The following TBL1X variants were observed in gnomAD, a reference collection of about 807,000 sequenced individuals.
TBL1X encodes the protein F-box-like/WD repeat-containing protein TBL1X.
TBL1X carries 10 observed loss-of-function variants against 50.7 expected under a neutral mutation model. The observed-to-expected ratio is 0.20, with a 90% confidence interval of 0.12 to 0.33. TBL1X has a LOEUF of 0.33. Ranked by LOEUF, TBL1X falls within the 10% of genes least tolerant of loss-of-function variation. The pLI is 1.00. For synonymous variants in TBL1X, 190 were observed against 214.7 expected, an observed-to-expected ratio of 0.88 and a Z score of 1.01; for missense variants, 340 against 504.4, an observed-to-expected ratio of 0.67 and a Z score of 3.12.
intron 2 of TBL1X, among the ~76,000 whole-genome samples, chrX:9,532,832 G>A (rs915708362): frequency 5.4e-5 from 6 of 111,379 alleles, no homozygotes; most frequent in African/African-American, 2.0e-4. Flanking sequence ...CCTCTTGAAT[G>A]GCCCTAACTC....
rs757608459 is a variant in TBL1X at position 9,688,153 on chromosome X, C to T, written c.494C>T (p.Ala165Val). Reference sequence around the variant, plus strand: ...CAGCAAGCCAGTGCGGCGGCGGCGGCGGCTGCGGCCACGGCAGCAGCGACA... The same window carrying T: ...CAGCAAGCCAGTGCGGCGGCGGCGGTGGCTGCGGCCACGGCAGCAGCGACA... ...AQQQASAAAA[A>V]AAATAAATAA... The change falls in exon 7 of 18, where the codon GCG (alanine) becomes GTG (valine). Residue 165 changes from alanine to valine, a missense_variant. By Grantham distance (64) the Ala-to-Val change is moderately conservative (BLOSUM62 0). Around this residue, in one of 6 missense-constraint regions of TBL1X, gnomAD observed 99 missense variants for 93.3 expected, o/e 1.06. Coordinates refer to ENST00000645353, the MANE Select transcript of TBL1X (RefSeq NM_005647.4). 7 of 1,196,771 alleles carry T rather than the reference C, an allele frequency of 5.8e-6. No individual in the cohort carries two copies. In the East Asian group the frequency reaches 1.2e-4, roughly 21 times the overall value.
At chrX:9,577,335 G>GTCT (rs762162383) in intron 2 of TBL1X, among the ~76,000 whole-genome samples, 1 of 112,172 alleles carries the variant, frequency 8.9e-6, no homozygotes, top group African/African-American at 3.2e-5. Flanking sequence ...CAGATGAACA[G>GTCT]TCTGGCTTGA....
At chrX:9,615,833 T>A (rs139766550) in intron 2 of TBL1X, among the ~76,000 whole-genome samples, 1,559 of 112,162 alleles carry the variant, frequency 0.014, 9 homozygotes, top group Non-Finnish European at 0.021. Context: ...AGGGAAGGCC[T>A]TTGTCTTCCA....
At chrX:9,481,854 G>A (rs2081884493) in intron 1 of TBL1X, among the ~76,000 whole-genome samples, 1 of 112,326 alleles carries the variant, frequency 8.9e-6, no homozygotes, top group South Asian at 3.7e-4. Context: ...TAAAGTTGCA[G>A]CAAAGCCAAT....
At chrX:9,663,743 A>C (rs1463431145) in intron 5 of TBL1X, among the ~76,000 whole-genome samples, 1 of 101,602 alleles carries the variant, frequency 9.8e-6, no homozygotes, top group African/African-American at 3.7e-5. Context: ...CCTGGGCGAC[A>C]GAGCGAGATT....
At chrX:9,510,957 C>T (rs760695997) in intron 2 of TBL1X, among the ~76,000 whole-genome samples, 2 of 111,742 alleles carry the variant, frequency 1.8e-5, no homozygotes, top group Non-Finnish European at 3.8e-5. Context: ...CATCCATCCA[C>T]GCACGCACAC....
intron 12 of TBL1X, among the ~76,000 whole-genome samples, chrX:9,698,230 A>T (rs958320942): frequency 4.5e-5 from 5 of 111,300 alleles, no homozygotes; most frequent in Admixed American, 1.9e-4. Flanking sequence ...GAGCTCTGAA[A>T]CACAGCAGTG....
At chrX:9,632,976 G>A (rs2082729042) in intron 2 of TBL1X, among the ~76,000 whole-genome samples, 2 of 112,192 alleles carry the variant, frequency 1.8e-5, no homozygotes, top group African/African-American at 6.5e-5. Context: ...GGCATACCCA[G>A]GGTTACCATT....
intron 5 of TBL1X, among the ~76,000 whole-genome samples, chrX:9,661,992 G>A (rs761464589): frequency 9.0e-6 from 1 of 111,537 alleles, no homozygotes; most frequent in East Asian, 2.8e-4. Flanking sequence ...GATTCAAGAG[G>A]GGTCCTGGGA....
chrX:9,565,387 A>C (rs1321777455), intron 2 of TBL1X, among the ~76,000 whole-genome samples: 3 of 110,966 alleles, frequency 2.7e-5, no homozygotes, highest in Non-Finnish European at 5.7e-5. Flanking sequence ...AAAAAGTTAT[A>C]TGAGCTATCG....
rs1336617597 is a variant in TBL1X at position 9,497,882 on chromosome X, TC to T, written c.-200-3895del. ...CTCCCTCTCTCTCCCTCTCCCTCCCTCCCTCCCCTCCTTCCTCCTCCTCTCT... is the reference window on the plus strand; with the variant it reads ...CTCCCTCTCTCTCCCTCTCCCTCCCTCCTCCCCTCCTTCCTCCTCCTCTCT... On this transcript the variant is annotated intron_variant, in intron 1 of 17. Transcript: ENST00000645353. 7.0e-5 allele frequency among the ~76,000 whole-genome samples: 5 copies of T among 71,927 alleles called. No homozygotes were observed. In the South Asian group the frequency reaches 5.3e-3, roughly 76 times the overall value. 62.5% of individuals were successfully genotyped at this position (71,927 alleles called of 115,157 possible).
chrX:9,466,767 T>C (rs2081777850), intron 1 of TBL1X, among the ~76,000 whole-genome samples: 1 of 111,978 alleles, frequency 8.9e-6, no homozygotes, highest in African/African-American at 3.2e-5. Flanking sequence ...TTAGGAAAAA[T>C]AAAATACAGA....
At chrX:9,649,895 C>G (rs1245161484) in intron 3 of TBL1X, among the ~76,000 whole-genome samples, 1 of 111,942 alleles carries the variant, frequency 8.9e-6, no homozygotes, top group Non-Finnish European at 1.9e-5. Flanking sequence ...CTCAAGCAAA[C>G]CTCTTGCCTT....
intron 1 of TBL1X, among the ~76,000 whole-genome samples, chrX:9,468,896 C>T (rs1170578297): frequency 9.0e-6 from 1 of 110,830 alleles, no homozygotes; most frequent in Non-Finnish European, 1.9e-5. Flanking sequence ...TAGCTGCAGC[C>T]TCAACCTTCT....
At chrX:9,472,443 T>C (rs372162658) in intron 1 of TBL1X, among the ~76,000 whole-genome samples, 30 of 23,751 alleles carry the variant, frequency 1.3e-3, no homozygotes, top group African/African-American at 5.3e-3. Flanking sequence ...TTCTTTCTTT[T>C]TTTTTTTTTT....
At position 9,674,085 on chromosome X, in the gene TBL1X, A is replaced by G. The variant is rs1214381461; in HGVS notation, c.212-9958A>G. 3.6e-5 allele frequency among the ~76,000 whole-genome samples: 4 copies of G among 112,418 alleles called. No individual in the cohort carries two copies. The Admixed American group carries it at 3.8e-4, about 11-fold the overall frequency. ...TTCTCAGAAATAATAATAATAATAA[A>G]TTGGAAAAATAATACATTGGAAAAA... is the stretch of plus-strand genomic sequence containing the variant. On this transcript the variant is annotated intron_variant, in intron 5 of 17. Coordinates refer to ENST00000645353, the MANE Select transcript of TBL1X (RefSeq NM_005647.4).
chrX:9,477,993 C>G (rs953393855), intron 1 of TBL1X, among the ~76,000 whole-genome samples: 4 of 111,683 alleles, frequency 3.6e-5, no homozygotes, highest in Non-Finnish European at 7.5e-5. Context: ...CCTTCCGCCC[C>G]TTCATCCCCA....
intron 5 of TBL1X, among the ~76,000 whole-genome samples, chrX:9,682,118 C>T (rs774141586): frequency 6.8e-4 from 77 of 112,541 alleles, no homozygotes; most frequent in African/African-American, 2.1e-3. Context: ...ATGATAAAAG[C>T]TTGCAGGTAA....
intron 6 of TBL1X, among the ~76,000 whole-genome samples, chrX:9,686,802 T>A (rs1318014123): frequency 8.9e-6 from 1 of 112,275 alleles, no homozygotes; most frequent in African/African-American, 3.2e-5. Flanking sequence ...CATTTGGGTG[T>A]GAACATATGA....
Sources: gnomAD v4.1 joint callset for allele counts (sites outside exome capture counted in the v4.1 genomes callset) on GRCh38, gnomAD v4.1.1 for gene constraint, gnomAD v4.1.1 regional missense constraint, MANE v1.5 for transcripts, NCBI Gene and HGNC (gene_info 2026-07-23, HGNC 2026-07-21) for gene names.